The following STING1 variants were observed in gnomAD, a reference collection of about 807,000 sequenced individuals.
STING1 encodes the protein stimulator of interferon response cGAMP interactor 1, also known as stimulator of interferon genes protein.
In STING1, 19 loss-of-function variants were observed where a neutral mutation model predicts 31.6. The ratio of observed to expected loss-of-function variants is 0.60; its 90% CI spans 0.42 to 0.88. STING1 has a LOEUF of 0.88. STING1 is among the 40% of genes least tolerant of loss of function. The pLI, the probability that STING1 is intolerant of heterozygous loss-of-function variation, is 0.00. For missense variants in STING1, 371 were observed against 483.7 expected (o/e 0.77, Z 2.19); for synonymous variants, 200 against 208.6 (o/e 0.96, Z 0.35).
Position 139,476,463 on chromosome 5 carries a change from G to A in STING1, c.947-9C>T, listed in dbSNP as rs1225982915. On this transcript the variant is annotated splice_polypyrimidine_tract_variant and intron_variant, in intron 7 of 7. Coordinates refer to ENST00000330794, the MANE Select transcript of STING1 (RefSeq NM_198282.4). ...GCTGTCATCTGCAGGTTCTGGAACA[G>A]GGAGATAGGGGAGAGAGTAATGAGG... is the stretch of plus-strand genomic sequence containing the variant. 7 of 1,610,906 alleles carry A rather than the reference G, an allele frequency of 4.3e-6. No individual in the cohort carries two copies. The highest frequency in any genetic ancestry group is 2.2e-4 in the Middle Eastern group (1 of 4,536).
At position 139,476,557 on chromosome 5, in the gene STING1, C is replaced by G. The variant is rs113151273; in HGVS notation, c.947-103G>C. On this transcript the variant is annotated intron_variant, in intron 7 of 7. Coordinates refer to ENST00000330794, the MANE Select transcript of STING1 (RefSeq NM_198282.4). ...GAAGATCCCCTAACCCTCCCTACCC[C>G]CCTTCCTACCCAAGCCCCAGCCACT... The G allele has an allele frequency of 9.9e-4, 1,016 of 1,025,720 alleles. 6 individuals are homozygous for G. The African/African-American group carries it at 0.014, about 15-fold the overall frequency. 63.5% of individuals were successfully genotyped at this position (1,025,720 alleles called of 1,614,324 possible).
chr5:139,480,591 A>G (rs534458590), intron 5 of STING1, among the ~76,000 whole-genome samples, 199 bp downstream of exon 5: 1 of 152,340 alleles, frequency 6.6e-6, no homozygotes, highest in South Asian at 2.1e-4. Context: ...CAAGTCACTT[A>G]ATGGCTCTAA....
At chr5:139,478,557 C>A (rs1316646328) in intron 5 of STING1, 49 bp from the exon 6 acceptor site, 1 of 1,548,994 alleles carries the variant, frequency 6.5e-7, no homozygotes, top group South Asian at 1.1e-5. Flanking sequence ...CTATCTCCCA[C>A]CTGATTCAGG....
Position 139,480,912 on chromosome 5 carries a change from G to A in STING1, c.412-14C>T. ...TGGGGCCAGGCCCTGTGGACAGCAG[G>A]ATGTGGCTGGGGGGCCTCCATCAAG... On this transcript the variant is annotated splice_polypyrimidine_tract_variant and intron_variant, in intron 4 of 7. Transcript: ENST00000330794. The A allele has an allele frequency of 6.2e-7, 1 of 1,600,316 alleles. No individual in the cohort carries two copies. Among genetic ancestry groups the A allele is most frequent in the South Asian group, 1.1e-5 (1 of 90,526 alleles).
At chr5:139,476,559 C>T (rs1442649895) in intron 7 of STING1, 105 bp from the exon 8 acceptor site, 16 of 1,028,174 alleles carry the variant, frequency 1.6e-5, no homozygotes, top group Non-Finnish European at 2.3e-5. Context: ...CCCTACCCCC[C>T]TTCCTACCCA....
At position 139,478,478 on chromosome 5, in the gene STING1, T is replaced by A; in HGVS notation, c.551A>T (p.Gln184Leu). 1 of 1,614,096 alleles carries A rather than the reference T, an allele frequency of 6.2e-7. No homozygotes were observed. Among genetic ancestry groups the A allele is most frequent in the Non-Finnish European group, 8.5e-7 (1 of 1,179,984 alleles). Residue 184 changes from glutamine to leucine, a missense_variant, in exon 6 of 8, where the codon CAG (glutamine) becomes CTG (leucine). Physicochemically the swap from Gln to Leu is moderately radical, Grantham distance 113 (BLOSUM62 -2). Transcript: ENST00000330794. ...ACCCCGTAGCAGGTTGTTGTAATGC[T>A]GATTGTAAGTTCGAATCCGGGCCTG... The part of the protein sequence containing the change: ...ELQARIRTYN[Q>L]HYNNLLRGAV...
chr5:139,476,373 A>G lies in STING1; in HGVS notation c.1028T>C (p.Val343Ala), dbSNP rs1751659620. The G allele has an allele frequency of 6.2e-7, 1 of 1,612,740 alleles. No individual in the cohort carries two copies. ...LRQEEKEEVTVGSLKTSAVPS... is the reference protein window; with the variant it reads ...LRQEEKEEVTAGSLKTSAVPS... ...CACCGCTGAGGTCTTCAAGCTGCCC[A>G]CAGTAACCTCTTCCTTTTCCTCCTG... Residue 343 changes from valine to alanine, a missense_variant, in exon 8 of 8, where the codon GTG (valine) becomes GCG (alanine). By Grantham distance (64) the Val-to-Ala change is moderately conservative. Transcript: ENST00000330794.
rs543176482 is a variant in STING1 at position 139,480,689 on chromosome 5, T to C, written c.520+101A>G. The C allele has an allele frequency of 8.1e-6, 6 of 741,496 alleles. No individual in the cohort carries two copies. The East Asian group carries it at 1.6e-4, about 20-fold the overall frequency. 45.9% of individuals were successfully genotyped at this position (741,496 alleles called of 1,614,324 possible). Reference sequence around the variant, plus strand: ...GGATTTGGTAGACATGAAAATGCTTTGAAAAATATAGTGAGTTCTGTGTGT... The same window carrying C: ...GGATTTGGTAGACATGAAAATGCTTCGAAAAATATAGTGAGTTCTGTGTGT... On this transcript the variant is annotated intron_variant, in intron 5 of 7. Coordinates refer to ENST00000330794, the MANE Select transcript of STING1 (RefSeq NM_198282.4).
chr5:139,481,506 C>T lies in STING1; in HGVS notation c.199G>A (p.Ala67Thr). ...GAGTGGATGTGGCGCAGCTCCTCAG[C>T]CAGGCTGCAGACCCCGTTTAACAGC... is the stretch of plus-strand genomic sequence containing the variant. ...GLLLNGVCSL[A>T]EELRHIHSRY... The change falls in exon 3 of 8, where the codon GCT becomes ACT. Residue 67 changes from alanine to threonine, a missense_variant. Coordinates refer to ENST00000330794, the MANE Select transcript of STING1 (RefSeq NM_198282.4). The surrounding 1 kb of genome is among the most constrained non-coding windows in gnomAD (Gnocchi z 4.1). 1 of 1,613,880 alleles carries T rather than the reference C, an allele frequency of 6.2e-7. No homozygotes were observed. The highest frequency in any genetic ancestry group is 8.5e-7 in the Non-Finnish European group (1 of 1,179,978).
chr5:139,476,264 A>G lies in STING1; in HGVS notation c.1137T>C (p.Ser379=), dbSNP rs2152093028. ...TCTGGCCTGGTGACCCTGGGTCTCA[A>G]GAGAAATCCGTGCGGAGAGGGAGGG... ...EKPLPLRTDF[S] Residue 379 remains serine (S), a synonymous_variant, in exon 8 of 8, where the codon TCT becomes TCC. Transcript: ENST00000330794. The G allele has an allele frequency of 6.3e-7, 1 of 1,576,076 alleles. No homozygotes were observed. Among genetic ancestry groups the G allele is most frequent in the East Asian group, 2.3e-5 (1 of 42,844 alleles).
In STING1 at chr5:139,478,552, TC is replaced by T. The variant is rs771638253; in HGVS notation, c.521-45del. On this transcript the variant is annotated intron_variant, in intron 5 of 7. Transcript: ENST00000330794. ...AGAAGTTATTCCTGCTAACCCTATC[TC>T]CCACCTGATTCAGGAGTGAGACCCA... The T allele has an allele frequency of 1.1e-5, 17 of 1,559,014 alleles. No homozygotes were observed. The East Asian group carries it at 3.8e-4, about 35-fold the overall frequency.
intron 5 of STING1, among the ~76,000 whole-genome samples, chr5:139,480,260 T>C (rs1255314600): frequency 1.3e-5 from 2 of 152,022 alleles, no homozygotes; most frequent in African/African-American, 4.8e-5. Context: ...AAATATTTAT[T>C]GAAAGAATTT....
intron 5 of STING1, among the ~76,000 whole-genome samples, chr5:139,480,003 C>G (rs1387179197): frequency 1.1e-5 from 1 of 89,022 alleles, no homozygotes; most frequent in South Asian, 3.5e-4. Context: ...GACTTTGTCT[C>G]AAAAAAAAAA....
rs1421348397 is a variant in STING1, at chr5:139,478,204, G to C, written c.759+66C>G. ...GGGCAGTGAATTTTCATCAGTGCTT[G>C]GCTAGGGCCCAGGGTTCTGGGGTCC... On this transcript the variant is annotated intron_variant, in intron 6 of 7. Coordinates refer to ENST00000330794, the MANE Select transcript of STING1 (RefSeq NM_198282.4). 2.4e-6 allele frequency: 3 copies of C among 1,262,748 alleles called. No homozygotes were observed. The African/African-American group carries it at 4.4e-5, about 19-fold the overall frequency. The allele number at this position is 1,262,748 out of a possible 1,614,324, so 78.2% of individuals were successfully genotyped here. A position where few individuals can be genotyped will look rare whatever the true frequency, so the allele number is the denominator to read the frequency against.
rs1049634497 is a variant in STING1 at position 139,481,267 on chromosome 5, C to G, written c.303G>C (p.Leu101=). ...GGAGGGAGTAGTAGAAATAGATGGA[C>G]AGCAGCAACAGGGCCCCACGGCGGA... The part of the protein sequence containing the change: ...CPLRRGALLL[L]SIYFYYSLPN... The change falls in exon 4 of 8, where the codon CTG becomes CTC. Residue 101 remains leucine (L), a synonymous_variant. Transcript: ENST00000330794. This position sits in a 1 kb window ranked among gnomAD's most constrained non-coding sequence, Gnocchi z 4.1. The G allele has an allele frequency of 6.2e-7, 1 of 1,613,950 alleles. No homozygotes were observed. The highest frequency in any genetic ancestry group is 1.7e-5 in the Admixed American group (1 of 60,004).
At chr5:139,482,021 GT>G (rs1751867183) in intron 2 of STING1, 188 bp downstream of exon 2, 1 of 274,362 alleles carries the variant, frequency 3.6e-6, no homozygotes, top group African/African-American at 2.2e-5. Context: ...CTGTGCAGCC[GT>G]ACCCAACCAA....
At chr5:139,476,770 T>G (rs923429774) in intron 7 of STING1, among the ~76,000 whole-genome samples, 3 of 151,978 alleles carry the variant, frequency 2.0e-5, no homozygotes, top group African/African-American at 7.3e-5. Context: ...CTGGGCATGG[T>G]GGCGGGCGCC....
In STING1 at chr5:139,481,154, C is replaced by A; in HGVS notation, c.411+5G>T. On this transcript the variant is annotated splice_donor_5th_base_variant and intron_variant, in intron 4 of 7. Coordinates refer to ENST00000330794, the MANE Select transcript of STING1 (RefSeq NM_198282.4). The surrounding 1 kb of genome is among the most constrained non-coding windows in gnomAD (Gnocchi z 4.1). ...CCAGAGCTTCTACCTCCCCCTGTGT[C>A]ATACCTTGAGGCCCAGGAGGATGTT... 6.2e-7 allele frequency: 1 copy of A among 1,614,088 alleles called. No homozygotes were observed. The highest frequency in any genetic ancestry group is 1.1e-5 in the South Asian group (1 of 91,048).
Position 139,481,428 on chromosome 5 carries a change from G to A in STING1, c.227+50C>T. The A allele has an allele frequency of 6.3e-7, 1 of 1,598,616 alleles. No homozygotes were observed. Among genetic ancestry groups the A allele is most frequent in the Non-Finnish European group, 8.5e-7 (1 of 1,169,816 alleles). ...AAGGAGGGGCAGGGCTAGGCATCAAGGGAGTGACACACGTTGGATACCCCG... is the reference window on the plus strand; with the variant it reads ...AAGGAGGGGCAGGGCTAGGCATCAAAGGAGTGACACACGTTGGATACCCCG... On this transcript the variant is annotated intron_variant, in intron 3 of 7. Coordinates refer to ENST00000330794, the MANE Select transcript of STING1 (RefSeq NM_198282.4). The surrounding 1 kb of genome is among the most constrained non-coding windows in gnomAD (Gnocchi z 4.1).
Sources: gnomAD v4.1 joint callset for allele counts (sites outside exome capture counted in the v4.1 genomes callset) on GRCh38, gnomAD v4.1.1 for gene constraint, Gnocchi (gnomAD v3.1) non-coding constraint, MANE v1.5 for transcripts, NCBI Gene and HGNC (gene_info 2026-07-23, HGNC 2026-07-21) for gene names.